The following GNG2 variants were observed in gnomAD, a reference collection of about 807,000 sequenced individuals.
GNG2 encodes the protein guanine nucleotide-binding protein G(I)/G(S)/G(O) subunit gamma-2.
In GNG2, 5 loss-of-function variants were observed where a neutral mutation model predicts 5.5. That is an observed-to-expected ratio of 0.91 (90% confidence interval 0.48 to 1.92). GNG2 has a LOEUF of 1.92. Ranked by LOEUF, GNG2 falls within the 30% of genes most tolerant of loss-of-function variation. GNG2 has a pLI of 0.01. For synonymous variants in GNG2, 28 were observed against 32.0 expected, an observed-to-expected ratio of 0.88 and a Z score of 0.42; for missense variants, 55 against 88.4, an observed-to-expected ratio of 0.62 and a Z score of 1.52.
chr14:51,950,340 C>A (rs776733023), intron 2 of GNG2, among the ~76,000 whole-genome samples: 1 of 152,176 alleles, frequency 6.6e-6, no homozygotes, highest in East Asian at 1.9e-4. Context: ...TAGTATAATA[C>A]GCTGAGGTGG....
chr14:51,966,688 G>T lies in GNG2; in HGVS notation c.*1G>T. On this transcript the variant is annotated 3_prime_UTR_variant, in exon 4 of 4. Transcript: ENST00000556766. ...GAAGTTTTTCTGTGCCATCCTTTAA[G>T]TCTTTGAGAGGGGCCTGAAGAGCCT... 6.2e-7 allele frequency: 1 copy of T among 1,613,732 alleles called. No individual in the cohort carries two copies. Among genetic ancestry groups the T allele is most frequent in the African/African-American group, 1.3e-5 (1 of 75,020 alleles).
chr14:51,911,084 T>C (rs1886264323), intron 2 of GNG2, among the ~76,000 whole-genome samples: 1 of 152,160 alleles, frequency 6.6e-6, no homozygotes, highest in Non-Finnish European at 1.5e-5. Context: ...TGTCTAGTGG[T>C]GCACTTGGCG....
intron 2 of GNG2, among the ~76,000 whole-genome samples, chr14:51,895,030 C>G (rs1361036354): frequency 7.7e-6 from 1 of 129,280 alleles, no homozygotes; most frequent in Non-Finnish European, 1.7e-5. Flanking sequence ...AATAACAAAA[C>G]TATAAAAGAA....
At chr14:51,864,318 A>G (rs2140107686) in intron 1 of GNG2, among the ~76,000 whole-genome samples, 1 of 152,306 alleles carries the variant, frequency 6.6e-6, no homozygotes, top group African/African-American at 2.4e-5. Flanking sequence ...ATCTTCTTAG[A>G]AAAATGTCTA....
chr14:51,956,648 C>T (rs1194565599), intron 3 of GNG2, among the ~76,000 whole-genome samples: 1 of 152,118 alleles, frequency 6.6e-6, no homozygotes, highest in East Asian at 1.9e-4. Flanking sequence ...TTAAGTCAAC[C>T]TTAGATGGCT....
exon 2 of GNG2, chr14:51,827,754 A>G: frequency 1.4e-6 from 1 of 701,616 alleles, no homozygotes; most frequent in Non-Finnish European, 2.6e-6. Flanking sequence ...ATGCAGGGGA[A>G]ATTGCAACCT....
At chr14:51,948,588 T>C (rs1888777306) in intron 2 of GNG2, among the ~76,000 whole-genome samples, 6 of 152,218 alleles carry the variant, frequency 3.9e-5, no homozygotes, top group Admixed American at 3.9e-4. Flanking sequence ...CTTCCTAGGC[T>C]GTTAGATGTT....
intron 3 of GNG2, among the ~76,000 whole-genome samples, chr14:51,955,367 T>A (rs1162903570): frequency 6.6e-6 from 1 of 152,240 alleles, no homozygotes; most frequent in African/African-American, 2.4e-5. Flanking sequence ...TACTTGTTCA[T>A]GAATCTCTTT....
intron 2 of GNG2, among the ~76,000 whole-genome samples, chr14:51,891,473 A>C (rs1884849904): frequency 6.6e-6 from 1 of 152,210 alleles, no homozygotes; most frequent in Non-Finnish European, 1.5e-5. Flanking sequence ...ATATATATTA[A>C]AGACTGTTAG....
At chr14:51,897,172 C>T (rs951957780) in intron 2 of GNG2, among the ~76,000 whole-genome samples, 42 of 152,300 alleles carry the variant, frequency 2.8e-4, no homozygotes, top group African/African-American at 9.6e-4. Context: ...GAACTTTGGC[C>T]TTTGGAAATT....
intron 2 of GNG2, among the ~76,000 whole-genome samples, chr14:51,853,426 C>T (rs1390339918): frequency 6.6e-6 from 1 of 152,092 alleles, no homozygotes; most frequent in Admixed American, 6.5e-5. Flanking sequence ...AAAATGAGAA[C>T]CTGAAAACTT....
intron 2 of GNG2, among the ~76,000 whole-genome samples, chr14:51,887,745 C>G (rs1218531896): frequency 6.6e-6 from 1 of 152,158 alleles, no homozygotes; most frequent in Non-Finnish European, 1.5e-5. Flanking sequence ...TGAACTTTCT[C>G]AACCTTAAGT....
intron 2 of GNG2, among the ~76,000 whole-genome samples, chr14:51,907,686 A>C (rs1174782889): frequency 1.3e-5 from 2 of 152,156 alleles, no homozygotes; most frequent in Non-Finnish European, 2.9e-5. Flanking sequence ...TCTTTTTTAA[A>C]CCAAAGGATT....
intron 2 of GNG2, among the ~76,000 whole-genome samples, chr14:51,939,396 C>G (rs966484301): frequency 6.6e-6 from 1 of 152,150 alleles, no homozygotes; most frequent in Non-Finnish European, 1.5e-5. Context: ...ACCCTCTTTC[C>G]CAGAGGAAGG....
At chr14:51,845,645 T>C (rs1440804622) in intron 2 of GNG2, among the ~76,000 whole-genome samples, 3 of 152,210 alleles carry the variant, frequency 2.0e-5, no homozygotes, top group Non-Finnish European at 2.9e-5. Context: ...GCCATTCTTA[T>C]TCTGTAGAAC....
At chr14:51,902,898 AAAAAT>A (rs1218523328) in intron 2 of GNG2, among the ~76,000 whole-genome samples, 1 of 150,120 alleles carries the variant, frequency 6.7e-6, no homozygotes, top group Non-Finnish European at 1.5e-5. Context: ...AAAAAGAAGG[AAAAAT>A]AAAATAAAAT....
chr14:51,879,649 C>T (rs939360809), intron 2 of GNG2, among the ~76,000 whole-genome samples: 1 of 152,186 alleles, frequency 6.6e-6, no homozygotes, highest in African/African-American at 2.4e-5. Flanking sequence ...TCTAGAGCTT[C>T]CTCCATCTTC....
intron 2 of GNG2, among the ~76,000 whole-genome samples, chr14:51,934,023 G>A (rs1887815771): frequency 2.0e-5 from 3 of 152,214 alleles, no homozygotes; most frequent in African/African-American, 7.2e-5. Context: ...ATTTTGCACT[G>A]TAGTTGCTCC....
chr14:51,847,074 T>A (rs1881650246), intron 2 of GNG2: 1 of 152,192 alleles, frequency 6.6e-6, no homozygotes, highest in Non-Finnish European at 1.5e-5. Flanking sequence ...TGTCCCTTCC[T>A]GGAAGCCTAC....
Sources: gnomAD v4.1 joint callset for allele counts (sites outside exome capture counted in the v4.1 genomes callset) on GRCh38, gnomAD v4.1.1 for gene constraint, MANE v1.5 for transcripts, NCBI Gene and HGNC (gene_info 2026-07-23, HGNC 2026-07-21) for gene names.